Variants in RSPO2 observed in about 807,000 individuals in gnomAD.
The protein encoded by RSPO2 is R-spondin-2.
In RSPO2, 14 loss-of-function variants were observed where a neutral mutation model predicts 30.9. That is an observed-to-expected ratio of 0.45 (90% CI 0.30 to 0.71). The LOEUF is 0.71. Ranked by LOEUF, RSPO2 falls within the 30% of genes least tolerant of loss-of-function variation. RSPO2 has a pLI of 0.08. For synonymous variants in RSPO2, 107 were observed against 96.4 expected (o/e 1.11, Z -0.64); for missense variants, 264 against 301.9 (o/e 0.87, Z 0.93).
At chr8:108,075,928 T>G (rs1294090876) in intron 2 of RSPO2, among the ~76,000 whole-genome samples, 2 of 152,106 alleles carry the variant, frequency 1.3e-5, no homozygotes, top group Non-Finnish European at 2.9e-5. Flanking sequence ...CAAAGATAAA[T>G]GTACCGTAGT....
intron 2 of RSPO2, among the ~76,000 whole-genome samples, chr8:108,076,929 A>G (rs1460613183): frequency 6.6e-6 from 1 of 152,176 alleles, no homozygotes; most frequent in Non-Finnish European, 1.5e-5. Context: ...GACAGAAAAT[A>G]GGAGGTAAAA....
chr8:108,079,510 C>T (rs1813118965), intron 2 of RSPO2, among the ~76,000 whole-genome samples: 1 of 152,088 alleles, frequency 6.6e-6, no homozygotes, highest in Non-Finnish European at 1.5e-5. Flanking sequence ...GATATATTTG[C>T]TCTCCATTCC....
intron 2 of RSPO2, among the ~76,000 whole-genome samples, chr8:107,999,025 G>T (rs1815130821): frequency 6.6e-6 from 1 of 152,110 alleles, no homozygotes; most frequent in African/African-American, 2.4e-5. Flanking sequence ...CAGTCAGTAA[G>T]ACTCCATCTC....
At chr8:108,037,289 A>T (rs1811626940) in intron 2 of RSPO2, among the ~76,000 whole-genome samples, 1 of 152,224 alleles carries the variant, frequency 6.6e-6, no homozygotes, top group Admixed American at 6.5e-5. Flanking sequence ...AAAGTTTTAG[A>T]AGTCTGGATA....
chr8:108,008,344 C>G (rs1815530881), intron 2 of RSPO2, among the ~76,000 whole-genome samples: 1 of 152,098 alleles, frequency 6.6e-6, no homozygotes, highest in Non-Finnish European at 1.5e-5. Flanking sequence ...CATTAAAATC[C>G]ATCTATTTAA....
Position 107,900,541 on chromosome 8 carries a change from A to G in RSPO2, c.*534T>C, listed in dbSNP as rs1811419972. 6.5e-6 allele frequency: 1 copy of G among 152,938 alleles called. No homozygotes were observed. The highest frequency in any genetic ancestry group is 1.5e-5 in the Non-Finnish European group (1 of 68,370). 9.5% of individuals were successfully genotyped at this position (152,938 alleles called of 1,614,324 possible). A position where few individuals can be genotyped will look rare whatever the true frequency, so the allele number is the denominator to read the frequency against. On this transcript the variant is annotated 3_prime_UTR_variant, in exon 6 of 6. Transcript: ENST00000276659. ...AGCTCCTGCAGTATATGTACATATT[A>G]GGGCTGCAGTGAAACTGAGCAGGAA...
chr8:108,081,916 A>C, intron 2 of RSPO2: 1 of 985,364 alleles, frequency 1.0e-6, no homozygotes. Context: ...TTGCTGCTTA[A>C]TTCAGAAAGT....
intron 3 of RSPO2, among the ~76,000 whole-genome samples, chr8:107,965,202 T>G (rs1586584582): frequency 6.6e-6 from 1 of 152,304 alleles, no homozygotes; most frequent in South Asian, 2.1e-4. Context: ...TAAATTACAG[T>G]GCCTCCTCAA....
chr8:107,976,708 T>G (rs76308371), intron 3 of RSPO2, among the ~76,000 whole-genome samples: 1,716 of 152,330 alleles, frequency 0.011, 39 homozygotes, highest in African/African-American at 0.039. Context: ...ACCTCTAACC[T>G]GGAAGCCAGT....
chr8:108,025,938 G>C (rs1356196435), intron 2 of RSPO2, among the ~76,000 whole-genome samples: 4 of 152,104 alleles, frequency 2.6e-5, no homozygotes, highest in Non-Finnish European at 5.9e-5. Flanking sequence ...TAAAACCATT[G>C]AGTAAATATA....
intron 2 of RSPO2, among the ~76,000 whole-genome samples, chr8:108,069,162 G>C (rs115122945): frequency 6.6e-6 from 1 of 151,838 alleles, no homozygotes; most frequent in African/African-American, 2.4e-5. Flanking sequence ...CCTTGTGTCC[G>C]ACATCCTATT....
chr8:108,068,545 GT>G (rs1160167529), intron 2 of RSPO2, among the ~76,000 whole-genome samples: 11 of 152,170 alleles, frequency 7.2e-5, no homozygotes, highest in African/African-American at 2.4e-4. Context: ...TTTGTTATGG[GT>G]TGCATTGTGT....
intron 2 of RSPO2, among the ~76,000 whole-genome samples, chr8:108,014,891 G>C (rs1810833067): frequency 1.3e-5 from 2 of 151,292 alleles, no homozygotes; most frequent in Non-Finnish European, 2.9e-5. Context: ...AATAAGTTAG[G>C]GATGATGGAG....
intron 5 of RSPO2, among the ~76,000 whole-genome samples, chr8:107,905,114 G>C (rs1811596074): frequency 1.3e-5 from 2 of 152,050 alleles, no homozygotes; most frequent in African/African-American, 4.8e-5. Flanking sequence ...CTGCCAGTCA[G>C]ACAGTGATTT....
At chr8:107,922,043 G>A (rs1306860202) in intron 5 of RSPO2, among the ~76,000 whole-genome samples, 2 of 152,132 alleles carry the variant, frequency 1.3e-5, no homozygotes, top group Non-Finnish European at 2.9e-5. Context: ...ACTGGCACGA[G>A]ACAAGGATGT....
chr8:107,941,025 C>T (rs1812879536), intron 5 of RSPO2, among the ~76,000 whole-genome samples: 1 of 152,006 alleles, frequency 6.6e-6, no homozygotes, highest in Non-Finnish European at 1.5e-5. Context: ...AATCTTGAAT[C>T]ACTTCATTAT....
intron 3 of RSPO2, among the ~76,000 whole-genome samples, chr8:107,973,699 C>A (rs536261420): frequency 6.6e-6 from 1 of 152,220 alleles, no homozygotes; most frequent in Non-Finnish European, 1.5e-5. Context: ...TTCTCCAGCC[C>A]CTGAAAGGTA....
At chr8:107,961,869 T>C (rs566099004) in intron 3 of RSPO2, among the ~76,000 whole-genome samples, 18 of 152,218 alleles carry the variant, frequency 1.2e-4, no homozygotes, top group Non-Finnish European at 2.5e-4. Flanking sequence ...CAATAATTTA[T>C]AAGCTTGTAT....
chr8:107,963,002 A>G (rs1393242862), intron 3 of RSPO2, among the ~76,000 whole-genome samples: 1 of 152,088 alleles, frequency 6.6e-6, no homozygotes, highest in Non-Finnish European at 1.5e-5. Context: ...ATTTCATTCC[A>G]TGCTCCCAAT....
Sources: gnomAD v4.1 joint callset for allele counts (sites outside exome capture counted in the v4.1 genomes callset) on GRCh38, gnomAD v4.1.1 for gene constraint, MANE v1.5 for transcripts, NCBI Gene and HGNC (gene_info 2026-07-23, HGNC 2026-07-21) for gene names.